The following CLMN variants were observed in gnomAD, a reference collection of about 807,000 sequenced individuals.
CLMN encodes calmin.
Under a neutral mutation model 92.7 loss-of-function variants are expected in CLMN, and 57 were observed. The observed-to-expected ratio is 0.61, with a 90% CI of 0.50 to 0.77. The LOEUF (loss-of-function observed/expected upper bound fraction) is 0.77. Ranked by LOEUF, CLMN falls within the 30% of genes least tolerant of loss-of-function variation. The pLI, the probability that CLMN is intolerant of heterozygous loss-of-function variation, is 0.00. For synonymous variants in CLMN, 466 were observed against 470.6 expected, an observed-to-expected ratio of 0.99 and a Z score of 0.13; for missense variants, 1,158 against 1,237.5, an observed-to-expected ratio of 0.94 and a Z score of 0.96.
rs573378465 is a variant in CLMN, at chr14:95,257,652, C to G, written c.83-27519G>C. Among the ~76,000 whole-genome samples the G allele has an allele frequency of 3.0e-4, 45 of 152,338 alleles. No homozygotes were observed. In the Middle Eastern group the frequency reaches 0.01, roughly 35 times the overall value. On this transcript the variant is annotated intron_variant, in intron 1 of 12. Transcript: ENST00000298912. Reference sequence around the variant, plus strand: ...TCAAACTCCCTTGTCTTGCAGCCTGCCTCTTTGCTCTCACACCCCAGCCAC... The same window carrying G: ...TCAAACTCCCTTGTCTTGCAGCCTGGCTCTTTGCTCTCACACCCCAGCCAC...
chr14:95,238,859 A>G (rs1230489040), intron 1 of CLMN, among the ~76,000 whole-genome samples: 2 of 152,158 alleles, frequency 1.3e-5, no homozygotes, highest in African/African-American at 4.8e-5. Context: ...CTGCCCCACC[A>G]TGCCCCGCTT....
intron 2 of CLMN, among the ~76,000 whole-genome samples, chr14:95,226,816 A>G (rs1177768135): frequency 6.6e-6 from 1 of 152,098 alleles, no homozygotes; most frequent in Admixed American, 6.5e-5. Context: ...GGCTCATGCG[A>G]TATCCTCCTG....
intron 1 of CLMN, among the ~76,000 whole-genome samples, chr14:95,318,660 C>T (rs1901902694): frequency 6.6e-6 from 1 of 152,144 alleles, no homozygotes; most frequent in African/African-American, 2.4e-5. Flanking sequence ...CTCCTAGCCA[C>T]TCCTAACCTT....
chr14:95,296,551 C>A (rs1189255038), intron 1 of CLMN, among the ~76,000 whole-genome samples: 2 of 152,214 alleles, frequency 1.3e-5, no homozygotes, highest in Non-Finnish European at 1.5e-5. Context: ...AAGTGCTGAC[C>A]AATAAGATGT....
Position 95,196,640 on chromosome 14 carries a change from T to C in CLMN, c.2566A>G (p.Thr856Ala). The C allele has an allele frequency of 6.2e-7, 1 of 1,614,084 alleles. No homozygotes were observed. Among genetic ancestry groups the C allele is most frequent in the Non-Finnish European group, 8.5e-7 (1 of 1,180,016 alleles). Residue 856 changes from threonine (T) to alanine (A), a missense_variant, in exon 10 of 13, where the codon ACG becomes GCG. Thr to Ala is a moderately conservative substitution (Grantham distance 58). Transcript: ENST00000298912. ...TTTTTACTACTGATTGATTCTTTCG[T>C]TACATTTTCTTCTAGGGGGTTTGCT... ...NIANPLEENV[T>A]KESISSKKKE... is the part of the protein sequence containing the mutation.
At chr14:95,197,455 C>G (rs1039937219) in intron 9 of CLMN, among the ~76,000 whole-genome samples, 1 of 152,066 alleles carries the variant, frequency 6.6e-6, no homozygotes, top group Non-Finnish European at 1.5e-5. Flanking sequence ...TTACAGTGAG[C>G]AGTGGTTGAA....
rs1053640213 is a variant in CLMN, at chr14:95,215,720, C to T, written c.338G>A (p.Ser113Asn). 1 of 1,613,984 alleles carries T rather than the reference C, an allele frequency of 6.2e-7. No homozygotes were observed. The highest frequency in any genetic ancestry group is 1.3e-5 in the African/African-American group (1 of 74,908). ...FLEDSNVKLV[S>N]IDAAEIADGN... ...ATCTGCTATTTCTGCTGCATCAATG[C>T]TAACCAGTTTTACCTGGAGGGAAGC... is the stretch of plus-strand genomic sequence containing the variant. The change falls in exon 5 of 13, where the codon AGC becomes AAC. Residue 113 changes from serine to asparagine, a missense_variant. Coordinates refer to ENST00000298912, the MANE Select transcript of CLMN (RefSeq NM_024734.4).
intron 10 of CLMN, 77 bp downstream of exon 10, chr14:95,196,421 C>T (rs979171640): frequency 2.2e-6 from 3 of 1,394,702 alleles, no homozygotes; most frequent in Middle Eastern, 2.0e-4. Context: ...ACCTCCCACC[C>T]CATCAAATCA....
At chr14:95,207,109 A>G (rs915821461) in intron 8 of CLMN, among the ~76,000 whole-genome samples, 4 of 152,150 alleles carry the variant, frequency 2.6e-5, no homozygotes, top group African/African-American at 9.7e-5. Flanking sequence ...ACAAATAATA[A>G]TTGTATATAT....
chr14:95,303,101 C>T (rs566705019), intron 1 of CLMN, among the ~76,000 whole-genome samples: 1 of 152,326 alleles, frequency 6.6e-6, no homozygotes, highest in East Asian at 1.9e-4. Flanking sequence ...CTGATAGAGG[C>T]TCAAGCAGGA....
chr14:95,266,501 A>G (rs1005011504), intron 1 of CLMN, among the ~76,000 whole-genome samples: 28 of 152,208 alleles, frequency 1.8e-4, no homozygotes, highest in African/African-American at 6.5e-4. Flanking sequence ...CAAGTGAAAG[A>G]TGGCTACAAG....
chr14:95,253,780 T>A (rs1432861682), intron 1 of CLMN, among the ~76,000 whole-genome samples: 1 of 151,472 alleles, frequency 6.6e-6, no homozygotes, highest in African/African-American at 2.4e-5. Flanking sequence ...TCCTGGCTAA[T>A]TTTTTTTGTA....
At chr14:95,316,026 C>T (rs948557553) in intron 1 of CLMN, among the ~76,000 whole-genome samples, 64 of 152,168 alleles carry the variant, frequency 4.2e-4, no homozygotes, top group African/African-American at 1.4e-3. Context: ...CAGTGACCCC[C>T]AGAACTGGTG....
chr14:95,254,806 C>G (rs188036385), intron 1 of CLMN, among the ~76,000 whole-genome samples: 1 of 152,082 alleles, frequency 6.6e-6, no homozygotes, highest in African/African-American at 2.4e-5. Context: ...TTAAGTGATC[C>G]GCTGGACTCA....
At chr14:95,292,456 C>T (rs1384978123) in intron 1 of CLMN, among the ~76,000 whole-genome samples, 28 of 145,278 alleles carry the variant, frequency 1.9e-4, no homozygotes, top group African/African-American at 7.1e-4. Context: ...ACCCCCACCT[C>T]CACCCCCTGC....
intron 1 of CLMN, among the ~76,000 whole-genome samples, chr14:95,241,557 C>G (rs1315231710): frequency 6.6e-6 from 1 of 152,174 alleles, no homozygotes; most frequent in Non-Finnish European, 1.5e-5. Context: ...AAGTTTCTAC[C>G]CTGAGCAGGA....
intron 8 of CLMN, among the ~76,000 whole-genome samples, chr14:95,206,817 A>AC (rs1233752554): frequency 3.9e-5 from 6 of 152,232 alleles, no homozygotes; most frequent in African/African-American, 1.4e-4. Context: ...TTTGACTCAC[A>AC]CAAATACCGT....
intron 1 of CLMN, among the ~76,000 whole-genome samples, chr14:95,234,987 A>T (rs1898004399): frequency 1.3e-5 from 2 of 152,242 alleles, no homozygotes; most frequent in Admixed American, 6.5e-5. Context: ...GAAAGTCTTC[A>T]TGGCTTTATC....
At chr14:95,222,904 A>G (rs147461078) in intron 3 of CLMN, among the ~76,000 whole-genome samples, 2 of 152,304 alleles carry the variant, frequency 1.3e-5, no homozygotes, top group East Asian at 3.9e-4. Flanking sequence ...CAGACCCAGG[A>G]CGCTCTGTGC....
Sources: allele counts gnomAD v4.1 joint callset (sites outside exome capture counted in the v4.1 genomes callset), GRCh38; gene constraint gnomAD v4.1.1; transcripts MANE v1.5; gene names NCBI Gene and HGNC (gene_info 2026-07-23, HGNC 2026-07-21).